The following AKTIP variants were observed in gnomAD, a reference collection of about 807,000 sequenced individuals.
The protein encoded by AKTIP is AKT interacting protein.
Under a neutral mutation model 39.1 loss-of-function variants are expected in AKTIP, and 16 were observed. The observed-to-expected ratio is 0.41, with a 90% CI of 0.28 to 0.62. The LOEUF is 0.62. AKTIP is among the 20% of genes least tolerant of loss of function. The pLI is 0.32. For synonymous variants in AKTIP, 93 were observed against 124.3 expected (o/e 0.75, Z 1.67); for missense variants, 262 against 356.6 (o/e 0.73, Z 2.14).
upstream of AKTIP, among the ~76,000 whole-genome samples, chr16:53,503,532 G>C (rs1359419981): frequency 6.6e-6 from 1 of 152,232 alleles, no homozygotes; most frequent in African/African-American, 2.4e-5. Flanking sequence ...GGAGGGATGG[G>C]GCAGAGACAA....
chr16:53,504,156 G>T (rs1962340462), upstream of AKTIP, among the ~76,000 whole-genome samples: 1 of 149,872 alleles, frequency 6.7e-6, no homozygotes, highest in Non-Finnish European at 1.5e-5. Flanking sequence ...TCCCATGGAG[G>T]TCTCTCTCTG....
chr16:53,493,843 C>T (rs1464203154), intron 8 of AKTIP: 2 of 334,264 alleles, frequency 6.0e-6, no homozygotes, highest in African/African-American at 2.1e-5. Flanking sequence ...CTAAAACTGC[C>T]AGCTGAAAAG....
At position 53,495,290 on chromosome 16, in the gene AKTIP, A is replaced by G. The variant is rs1961761153; in HGVS notation, c.285T>C (p.Tyr95=). 1 of 1,614,148 alleles carries G rather than the reference A, an allele frequency of 6.2e-7. No homozygotes were observed. The highest frequency in any genetic ancestry group is 1.1e-5 in the South Asian group (1 of 91,094). Residue 95 remains tyrosine (Y), a synonymous_variant, in exon 4 of 10, where the codon TAT becomes TAC. Transcript: ENST00000394657. The part of the protein sequence containing the change: ...LVVKQKLPGV[Y]VQPSYRSALM... ...ATGCAGAGCGATAAGATGGCTGCAC[A>G]TAGACGCCTGGTAGCTTCTGCTTCA...
At chr16:53,501,360 C>T (rs1440223311) in intron 1 of AKTIP, 2 of 152,180 alleles carry the variant, frequency 1.3e-5, no homozygotes, top group African/African-American at 4.8e-5. Context: ...TACAGATCTT[C>T]CAGCCGAAGC....
At position 53,494,378 on chromosome 16, in the gene AKTIP, A is replaced by G; in HGVS notation, c.563T>C (p.Ile188Thr). The change falls in exon 7 of 10, where the codon ATT becomes ACT. Residue 188 changes from isoleucine (I) to threonine (T), a missense_variant. Ile to Thr is a moderately conservative substitution (Grantham distance 89). Around this residue, in one of 4 missense-constraint regions of AKTIP, gnomAD observed 145 missense variants for 159.3 expected, o/e 0.91. Transcript: ENST00000394657. ...TGGGTTCAGGGGGCTTGCTGTATCA[A>G]TCTTGTAGAAAACTCTCCTTGCATA... ...LMYARRVFYKIDTASPLNPEA... is the reference protein window; with the variant it reads ...LMYARRVFYKTDTASPLNPEA... The G allele has an allele frequency of 6.2e-7, 1 of 1,614,226 alleles. No individual in the cohort carries two copies.
Position 53,491,774 on chromosome 16 carries a change from T to C in AKTIP, c.*638A>G, listed in dbSNP as rs1247944854. 6.6e-6 allele frequency: 1 copy of C among 152,594 alleles called. No individual in the cohort carries two copies. Among genetic ancestry groups the C allele is most frequent in the African/African-American group, 2.4e-5 (1 of 41,440 alleles). The allele number at this position is 152,594 out of a possible 1,614,324, so 9.5% of individuals were successfully genotyped here. ...TTTATCATTTAAATACCGGACTTCA[T>C]TAGAAACCGTTGTAACACTTTTTCT... On this transcript the variant is annotated 3_prime_UTR_variant, in exon 10 of 10. Transcript: ENST00000394657.
At chr16:53,500,870 C>T (rs1004083425) in intron 1 of AKTIP, among the ~76,000 whole-genome samples, 3 of 152,172 alleles carry the variant, frequency 2.0e-5, no homozygotes, top group Non-Finnish European at 4.4e-5. Flanking sequence ...AGAATCTGTG[C>T]ACCAGGTCCC....
At position 53,494,428 on chromosome 16, in the gene AKTIP, A is replaced by G; in HGVS notation, c.513T>C (p.His171=). The G allele has an allele frequency of 1.2e-6, 2 of 1,614,214 alleles. No individual in the cohort carries two copies. Among genetic ancestry groups the G allele is most frequent in the Non-Finnish European group, 1.7e-6 (2 of 1,180,036 alleles). Reference sequence around the variant, plus strand: ...ACATTAATACCTGCCAAATATGATTATGGTTCCGCCTAAAGGGAAACATGG... The same window carrying G: ...ACATTAATACCTGCCAAATATGATTGTGGTTCCGCCTAAAGGGAAACATGG... ...KRAFAKWRRN[H]NHIWQVLMYA... Residue 171 remains histidine (H), a synonymous_variant, in exon 7 of 10, where the codon CAT becomes CAC. Coordinates refer to ENST00000394657, the MANE Select transcript of AKTIP (RefSeq NM_022476.4).
At chr16:53,494,072 C>T in intron 8 of AKTIP, 66 bp downstream of exon 8, 1 of 1,251,270 alleles carries the variant, frequency 8.0e-7, no homozygotes, top group Middle Eastern at 2.2e-4. Context: ...CTGAGACCAC[C>T]TGGAGAAAGG....
At chr16:53,501,266 GA>G (rs1461334953) in intron 1 of AKTIP, 1 of 152,168 alleles carries the variant, frequency 6.6e-6, no homozygotes, top group Non-Finnish European at 1.5e-5. Flanking sequence ...GAAACATATA[GA>G]AACTGCAGGA....
chr16:53,499,369 T>C (rs546000470), intron 2 of AKTIP, among the ~76,000 whole-genome samples: 9 of 152,006 alleles, frequency 5.9e-5, no homozygotes, highest in Non-Finnish European at 1.2e-4. Flanking sequence ...ACCCCATTAC[T>C]ATGTACAAGT....
At position 53,491,195 on chromosome 16, in the gene AKTIP, T is replaced by G. The variant is rs1387419694; in HGVS notation, c.*1217A>C. ...TTTAATCAAGTTGAATTGAGGGGAT[T>G]AATATGAAAACTTATGACCTCTTCC... On this transcript the variant is annotated 3_prime_UTR_variant, in exon 10 of 10. Coordinates refer to ENST00000394657, the MANE Select transcript of AKTIP (RefSeq NM_022476.4). 2.0e-5 allele frequency: 3 copies of G among 152,272 alleles called. No individual in the cohort carries two copies. The highest frequency in any genetic ancestry group is 6.5e-5 in the Admixed American group (1 of 15,284). 9.4% of individuals were successfully genotyped at this position (152,272 alleles called of 1,614,324 possible).
intron 3 of AKTIP, 115 bp from the exon 4 acceptor site, chr16:53,495,441 A>ATTG: frequency 2.2e-6 from 2 of 929,038 alleles, no homozygotes; most frequent in South Asian, 1.5e-5. Context: ...GCTGATGCCC[A>ATTG]AACCCTGCAA....
intron 1 of AKTIP, among the ~76,000 whole-genome samples, chr16:53,500,648 G>A (rs569944657): frequency 7.7e-4 from 118 of 152,270 alleles, no homozygotes; most frequent in African/African-American, 2.7e-3. Flanking sequence ...AAAGTGCTGG[G>A]ATTACGGGCA....
chr16:53,498,901 A>G (rs1009070289), intron 2 of AKTIP, among the ~76,000 whole-genome samples: 4 of 152,234 alleles, frequency 2.6e-5, no homozygotes, highest in African/African-American at 9.6e-5. Context: ...AGTGGCCCCA[A>G]AAAGAGGGCA....
rs370308735 is a variant in AKTIP, at chr16:53,497,230, CGT to C, written c.248+1159_248+1160del. On this transcript the variant is annotated intron_variant, in intron 3 of 9. Transcript: ENST00000394657. ...TGCGTCTGTGCAGTGCTGGAGCCCCCGTGTGTGCCAGGCACCACAGGGTCGCT... is the reference window on the plus strand; with the variant it reads ...TGCGTCTGTGCAGTGCTGGAGCCCCCGTGTGCCAGGCACCACAGGGTCGCT... Among the ~76,000 whole-genome samples, 7 of 152,326 alleles carry C rather than the reference CGT, an allele frequency of 4.6e-5. No homozygotes were observed. In the East Asian group the frequency reaches 9.7e-4, roughly 21 times the overall value.
At chr16:53,503,027 T>G (rs1369606169) in intron 1 of AKTIP, 120 bp downstream of exon 1, 2 of 152,200 alleles carry the variant, frequency 1.3e-5, no homozygotes, top group Non-Finnish European at 2.9e-5. Flanking sequence ...GCGGCCGCCG[T>G]CGCCGAGTCG....
rs76327701 is a variant in AKTIP at position 53,497,226 on chromosome 16, C to T, written c.248+1165G>A. 9.2e-5 allele frequency among the ~76,000 whole-genome samples: 14 copies of T among 152,320 alleles called. No individual in the cohort carries two copies. The South Asian group carries it at 2.9e-3, about 32-fold the overall frequency. On this transcript the variant is annotated intron_variant, in intron 3 of 9. Transcript: ENST00000394657. ...CATCTGCGTCTGTGCAGTGCTGGAG[C>T]CCCCGTGTGTGCCAGGCACCACAGG...
chr16:53,503,358 C>T (rs1962309051), upstream of AKTIP: 2 of 152,396 alleles, frequency 1.3e-5, no homozygotes, highest in African/African-American at 4.8e-5. Context: ...CGCCAACTGG[C>T]TCTCACACCT....
Sources: allele counts gnomAD v4.1 joint callset (sites outside exome capture counted in the v4.1 genomes callset), GRCh38; gene constraint gnomAD v4.1.1; regional missense constraint gnomAD v4.1.1; transcripts MANE v1.5; gene names NCBI Gene and HGNC (gene_info 2026-07-23, HGNC 2026-07-21).